Variants in CSMD1 observed in about 807,000 individuals in gnomAD.
CSMD1 encodes CUB and Sushi multiple domains 1.
In CSMD1, 213 loss-of-function variants were observed where a neutral mutation model predicts 417.5. The ratio of observed to expected loss-of-function variants is 0.51; its 90% confidence interval spans 0.46 to 0.57. CSMD1 has a LOEUF of 0.57. Among genes scored for constraint, CSMD1 ranks in the 20% least tolerant of loss-of-function variants. CSMD1 has a pLI of 0.00. For missense variants in CSMD1, 6,923 were observed against 4,529.7 expected (o/e 1.53, Z -15.17); for synonymous variants, 2,862 against 1,736.8 (o/e 1.65, Z -16.11).
intron 12 of CSMD1, among the ~76,000 whole-genome samples, chr8:3,434,678 C>T (rs576129983): frequency 2.0e-5 from 3 of 152,148 alleles, no homozygotes; most frequent in African/African-American, 7.2e-5. Context: ...TTCTCCATAT[C>T]CCCCTCATTC....
At position 4,269,927 on chromosome 8, in the gene CSMD1, T is replaced by G. The variant is rs113828539; in HGVS notation, c.415+150026A>C. Among the ~76,000 whole-genome samples the G allele has an allele frequency of 3.7e-3, 559 of 152,262 alleles. 4 individuals carry two copies. The highest frequency in any genetic ancestry group is 0.012 in the African/African-American group (517 of 41,564). On this transcript the variant is annotated intron_variant, in intron 3 of 69. Transcript: ENST00000635120. The stretch of plus-strand genomic sequence containing the variant: ...ATTACAGATGGAGGAAGAAGGGCGT[T>G]CAAGCCAACAGTTGGGGGAAACCAC...
At chr8:4,726,869 G>A (rs577402185) in intron 1 of CSMD1, among the ~76,000 whole-genome samples, 1 of 152,050 alleles carries the variant, frequency 6.6e-6, no homozygotes. Context: ...ATAGTATTGA[G>A]TTTCAAAAAC....
At chr8:3,716,569 C>T (rs1198826358) in intron 6 of CSMD1, among the ~76,000 whole-genome samples, 1 of 152,084 alleles carries the variant, frequency 6.6e-6, no homozygotes, top group African/African-American at 2.4e-5. Context: ...GTCTTGGTTT[C>T]GGGAGATTTG....
chr8:4,665,787 T>C (rs897025645), intron 1 of CSMD1, among the ~76,000 whole-genome samples: 40 of 152,238 alleles, frequency 2.6e-4, no homozygotes, highest in Non-Finnish European at 3.7e-4. Context: ...TTGTTTTCCA[T>C]TTATTAGCAA....
intron 12 of CSMD1, among the ~76,000 whole-genome samples, chr8:3,461,884 A>G (rs374995088): frequency 6.6e-6 from 1 of 152,228 alleles, no homozygotes; most frequent in Non-Finnish European, 1.5e-5. Context: ...TTGGGTCAGC[A>G]TCGCCCTGCT....
chr8:2,960,062 G>C (rs1803324074), intron 62 of CSMD1, among the ~76,000 whole-genome samples: 1 of 152,170 alleles, frequency 6.6e-6, no homozygotes, highest in African/African-American at 2.4e-5. Context: ...ACTGTAAGTT[G>C]TACATAGGCA....
intron 26 of CSMD1, among the ~76,000 whole-genome samples, chr8:3,238,119 G>A (rs976702263): frequency 5.9e-5 from 9 of 151,892 alleles, no homozygotes; most frequent in East Asian, 5.8e-4. Flanking sequence ...GGGTGGGGCC[G>A]TTTTATAAGA....
At chr8:4,118,492 A>AG (rs1554456282) in intron 3 of CSMD1, among the ~76,000 whole-genome samples, 2 of 151,602 alleles carry the variant, frequency 1.3e-5, no homozygotes, top group African/African-American at 4.9e-5. Flanking sequence ...TATAGAAAAA[A>AG]GCTCATCATC....
intron 2 of CSMD1, among the ~76,000 whole-genome samples, chr8:4,586,660 C>G (rs981486072): frequency 3.3e-5 from 5 of 152,172 alleles, no homozygotes; most frequent in South Asian, 4.2e-4. Flanking sequence ...CACTAAAATC[C>G]CTTTTTGTTT....
intron 26 of CSMD1, among the ~76,000 whole-genome samples, chr8:3,256,689 C>A (rs547663810): frequency 3.3e-5 from 5 of 152,194 alleles, no homozygotes; most frequent in Non-Finnish European, 5.9e-5. Context: ...CCTGCAGCCA[C>A]CCATATGCCT....
intron 2 of CSMD1, among the ~76,000 whole-genome samples, chr8:4,564,067 A>G (rs745577408): frequency 6.6e-6 from 1 of 152,172 alleles, no homozygotes; most frequent in Non-Finnish European, 1.5e-5. Context: ...GCATATCTTA[A>G]GTATGTCATA....
intron 5 of CSMD1, among the ~76,000 whole-genome samples, chr8:3,924,486 T>C (rs562583008): frequency 6.6e-6 from 1 of 152,332 alleles, no homozygotes; most frequent in East Asian, 1.9e-4. Context: ...GAGACTTCTA[T>C]GATACATATA....
intron 5 of CSMD1, among the ~76,000 whole-genome samples, chr8:3,795,258 A>T (rs1800001178): frequency 2.5e-5 from 1 of 40,146 alleles, no homozygotes; most frequent in African/African-American, 8.1e-5. Flanking sequence ...ACACATATAG[A>T]TATATATCTA....
rs1328248944 is a variant in CSMD1 at position 4,776,772 on chromosome 8, G to C, written c.86-139214C>G. Reference sequence around the variant, plus strand: ...TCAGTTATATTTTAGAAAAAGTTGTGAAAATACAAGGAATATTATATTAGA... The same window carrying C: ...TCAGTTATATTTTAGAAAAAGTTGTCAAAATACAAGGAATATTATATTAGA... On this transcript the variant is annotated intron_variant, in intron 1 of 69. Coordinates refer to ENST00000635120, the MANE Select transcript of CSMD1 (RefSeq NM_033225.6). Among the ~76,000 whole-genome samples the C allele has an allele frequency of 3.3e-5, 5 of 152,220 alleles. No homozygotes were observed. In the East Asian group the frequency reaches 9.7e-4, roughly 29 times the overall value.
At chr8:4,519,315 G>A (rs1022134219) in intron 2 of CSMD1, among the ~76,000 whole-genome samples, 1 of 151,810 alleles carries the variant, frequency 6.6e-6, no homozygotes, top group Non-Finnish European at 1.5e-5. Context: ...TAAATGCATG[G>A]ATGAATGAAC....
chr8:3,254,586 C>T lies in CSMD1; in HGVS notation c.4154-24355G>A, dbSNP rs555924204. Among the ~76,000 whole-genome samples the T allele has an allele frequency of 2.9e-3, 442 of 152,202 alleles. 2 individuals carry two copies. Among genetic ancestry groups the T allele is most frequent in the African/African-American group, 0.01 (421 of 41,534 alleles). On this transcript the variant is annotated intron_variant, in intron 26 of 69. Transcript: ENST00000635120. Reference sequence around the variant, plus strand: ...GCTTTGTTCCTTTTCATTCTTTTTTCTCTAAACTTCTCTTCTCACTTCATT... The same window carrying T: ...GCTTTGTTCCTTTTCATTCTTTTTTTTCTAAACTTCTCTTCTCACTTCATT...
intron 10 of CSMD1, among the ~76,000 whole-genome samples, chr8:3,530,312 G>C: frequency 6.6e-6 from 1 of 151,814 alleles, no homozygotes; most frequent in South Asian, 2.1e-4. Context: ...TGTCCCTCTT[G>C]GCCCTGTTTT....
At chr8:4,706,448 G>C (rs534244540) in intron 1 of CSMD1, among the ~76,000 whole-genome samples, 2 of 152,190 alleles carry the variant, frequency 1.3e-5, no homozygotes, top group Non-Finnish European at 2.9e-5. Flanking sequence ...AATGAGCTCA[G>C]TAATTCACAA....
chr8:3,757,124 G>A (rs887106823), intron 5 of CSMD1, among the ~76,000 whole-genome samples: 10 of 152,052 alleles, frequency 6.6e-5, no homozygotes, highest in Non-Finnish European at 2.9e-5. Context: ...TTATTTGCAT[G>A]CCTACATTAA....
Sources: allele counts gnomAD v4.1 joint callset (sites outside exome capture counted in the v4.1 genomes callset), GRCh38; gene constraint gnomAD v4.1.1; transcripts MANE v1.5; gene names NCBI Gene and HGNC (gene_info 2026-07-23, HGNC 2026-07-21).